PAX3: variants seen among roughly 807,000 people sequenced by gnomAD.
PAX3 encodes paired box protein Pax-3.
A neutral mutation model predicts 51.6 loss-of-function variants in PAX3; 14 were observed. That is an observed-to-expected ratio of 0.27 (90% confidence interval 0.18 to 0.42). The LOEUF is 0.42. Ranked by LOEUF, PAX3 falls within the 10% of genes least tolerant of loss-of-function variation. The pLI, the probability that PAX3 is intolerant of heterozygous loss-of-function variation, is 1.00. For synonymous variants in PAX3, 280 were observed against 253.4 expected, an observed-to-expected ratio of 1.11 and a Z score of -1.00; for missense variants, 540 against 642.8, an observed-to-expected ratio of 0.84 and a Z score of 1.73.
chr2:222,269,359 T>C (rs564812672), intron 4 of PAX3, among the ~76,000 whole-genome samples: 4 of 152,298 alleles, frequency 2.6e-5, no homozygotes, highest in African/African-American at 9.6e-5. Flanking sequence ...CATTCTTTAA[T>C]TGCCCTTTGA....
At chr2:222,275,951 G>A (rs1694405601) in intron 4 of PAX3, among the ~76,000 whole-genome samples, 1 of 152,224 alleles carries the variant, frequency 6.6e-6, no homozygotes, top group South Asian at 2.1e-4. Context: ...ACCGCTAAGT[G>A]TGAGCCATTA....
chr2:222,243,085 C>A (rs532578990), intron 4 of PAX3, among the ~76,000 whole-genome samples: 1 of 152,188 alleles, frequency 6.6e-6, no homozygotes, highest in African/African-American at 2.4e-5. Flanking sequence ...CCGAAAGATA[C>A]ACAAAACCTA....
chr2:222,217,595 A>G (rs1408066949), intron 7 of PAX3, among the ~76,000 whole-genome samples: 3 of 143,278 alleles, frequency 2.1e-5, no homozygotes, highest in South Asian at 2.4e-4. Flanking sequence ...GAGGAAAAGG[A>G]GAAATGGTAA....
chr2:222,220,351 A>G lies in PAX3; in HGVS notation c.962T>C (p.Val321Ala), dbSNP rs1448852118. The change falls in exon 7 of 9, where the codon GTG becomes GCG. Residue 321 changes from valine (V) to alanine (A), a missense_variant. Transcript: ENST00000392070. ...GTGAACGGTGCTGCTGGGATCTGAC[A>G]CAGCTGAAATGAAAAAGATTGTCAA... ...SYQPTSIPQA[V>A]SDPSSTVHRP... The G allele has an allele frequency of 6.2e-7, 1 of 1,613,602 alleles. No homozygotes were observed. Among genetic ancestry groups the G allele is most frequent in the East Asian group, 2.2e-5 (1 of 44,828 alleles).
intron 4 of PAX3, among the ~76,000 whole-genome samples, chr2:222,251,286 G>A (rs926787735): frequency 6.6e-6 from 1 of 151,704 alleles, no homozygotes; most frequent in African/African-American, 2.4e-5. Flanking sequence ...CCTGGTGTGT[G>A]ATGTTCCCCT....
intron 7 of PAX3, among the ~76,000 whole-genome samples, chr2:222,212,058 T>A (rs1207478826): frequency 1.3e-5 from 2 of 152,136 alleles, no homozygotes; most frequent in African/African-American, 2.4e-5. Flanking sequence ...GAGTCTGGTA[T>A]GTGTTTCAAC....
Position 222,201,246 on chromosome 2 carries a change from G to C in PAX3, c.*162C>G. The C allele has an allele frequency of 6.2e-7, 1 of 1,613,914 alleles. No homozygotes were observed. The highest frequency in any genetic ancestry group is 8.5e-7 in the Non-Finnish European group (1 of 1,179,946). On this transcript the variant is annotated 3_prime_UTR_variant, in exon 9 of 9. Transcript: ENST00000392070. ...TCAAAAGGATTTGAAACCAACTATT[G>C]GAGGAAGAAAATCAATCACTCTCCT...
chr2:222,221,143 AG>A, intron 6 of PAX3, 78 bp downstream of exon 6: 2 of 1,346,652 alleles, frequency 1.5e-6, no homozygotes, highest in South Asian at 2.3e-5. Flanking sequence ...GTACTGCAGA[AG>A]GATTCACTTG....
At chr2:222,250,063 T>G (rs1430940883) in intron 4 of PAX3, among the ~76,000 whole-genome samples, 3 of 152,162 alleles carry the variant, frequency 2.0e-5, no homozygotes, top group African/African-American at 7.2e-5. Flanking sequence ...TTTTGCTTTA[T>G]GTCCTACCCT....
At chr2:222,225,714 G>A (rs950010997) in intron 5 of PAX3, among the ~76,000 whole-genome samples, 1 of 152,148 alleles carries the variant, frequency 6.6e-6, no homozygotes, top group Non-Finnish European at 1.5e-5. Flanking sequence ...AGATTGTTGT[G>A]ACTATTAAAA....
At position 222,247,846 on chromosome 2, in the gene PAX3, G is replaced by T. The variant is rs45447197; in HGVS notation, c.587-15563C>A. ...TTACATCTAACCATTATATAATGCTGTTTTGTTTCTGATTTTTAAATTCTC... is the reference window on the plus strand; with the variant it reads ...TTACATCTAACCATTATATAATGCTTTTTTGTTTCTGATTTTTAAATTCTC... On this transcript the variant is annotated intron_variant, in intron 4 of 8. Transcript: ENST00000392070. Among the ~76,000 whole-genome samples, 353 of 152,086 alleles carry T rather than the reference G, an allele frequency of 2.3e-3. 2 individuals are homozygous for T. The highest frequency in any genetic ancestry group is 7.5e-3 in the African/African-American group (311 of 41,516).
At chr2:222,242,467 G>A (rs905724807) in intron 4 of PAX3, 20 of 152,054 alleles carry the variant, frequency 1.3e-4, no homozygotes, top group African/African-American at 4.6e-4. Context: ...CTCTTTGGAG[G>A]GATACTGTCA....
Position 222,288,605 on chromosome 2 carries a change from T to A in PAX3, c.586+5562A>T, listed in dbSNP as rs559463633. ...AGACAATTTTAGGGAAACTTTTGTA[T>A]TTAGAAACTTAGCAACAGGCAGATA... On this transcript the variant is annotated intron_variant, in intron 4 of 8. Transcript: ENST00000392070. Among the ~76,000 whole-genome samples, 4 of 152,336 alleles carry A rather than the reference T, an allele frequency of 2.6e-5. No homozygotes were observed. The East Asian group carries it at 5.8e-4, about 22-fold the overall frequency.
intron 4 of PAX3, among the ~76,000 whole-genome samples, chr2:222,261,040 G>A (rs1000176986): frequency 6.6e-6 from 1 of 152,184 alleles, no homozygotes; most frequent in Non-Finnish European, 1.5e-5. Context: ...AGTCTCAATG[G>A]AGAATTCCTA....
intron 5 of PAX3, chr2:222,221,600 T>C (rs1320311676): frequency 2.8e-5 from 15 of 529,994 alleles, no homozygotes; most frequent in Non-Finnish European, 5.1e-5. Context: ...GGACCCACCA[T>C]GATCTTGCAA....
chr2:222,237,706 C>A lies in PAX3; in HGVS notation c.587-5423G>T, dbSNP rs143287779. Among the ~76,000 whole-genome samples, 325 of 152,268 alleles carry A rather than the reference C, an allele frequency of 2.1e-3. 7 individuals are homozygous for A. The East Asian group carries it at 0.048, about 23-fold the overall frequency. On this transcript the variant is annotated intron_variant, in intron 4 of 8. Coordinates refer to ENST00000392070, the MANE Select transcript of PAX3 (RefSeq NM_181458.4). ...GACCATTTGCAGTCTTTACTAAGAA[C>A]CATCACAGACCATTGATATCTAGGG...
Position 222,206,524 on chromosome 2 carries a change from C to T in PAX3, c.1174-4334G>A, listed in dbSNP as rs542358974. Among the ~76,000 whole-genome samples the T allele has an allele frequency of 7.0e-4, 106 of 152,234 alleles. 1 individual carries two copies. The highest frequency in any genetic ancestry group is 1.3e-3 in the Non-Finnish European group (87 of 67,992). On this transcript the variant is annotated intron_variant, in intron 7 of 8. Transcript: ENST00000392070. ...AGCTTCCGAATTTATGTCCACGTTT[C>T]TCCTAGCAGCTCCTCCATCTTTTGC...
In PAX3 at chr2:222,297,305, T is replaced by G. The variant is rs6754024; in HGVS notation, c.86-92A>C. The G allele has an allele frequency of 0.86, 835,900 of 977,376 alleles. 359,093 individuals carry two copies. Among genetic ancestry groups the G allele is most frequent in the East Asian group, 1 (38,296 of 38,304 alleles). 60.5% of individuals were successfully genotyped at this position (977,376 alleles called of 1,614,324 possible). On this transcript the variant is annotated intron_variant, in intron 1 of 8. Transcript: ENST00000392070. The stretch of plus-strand genomic sequence containing the variant: ...CAGCACGTAATTTCGCAGTCTTCTG[T>G]CCTATCCTCATGTTACAGCACCGAC...
At chr2:222,204,040 A>AT (rs1691409795) in intron 7 of PAX3, among the ~76,000 whole-genome samples, 2 of 152,160 alleles carry the variant, frequency 1.3e-5, no homozygotes, top group Admixed American at 1.3e-4. Context: ...GGAATCTAAG[A>AT]TTTTTTGAGA....
Sources: gnomAD v4.1 joint callset for allele counts (sites outside exome capture counted in the v4.1 genomes callset) on GRCh38, gnomAD v4.1.1 for gene constraint, MANE v1.5 for transcripts, NCBI Gene and HGNC (gene_info 2026-07-23, HGNC 2026-07-21) for gene names.